The following KLHL29 variants were observed in gnomAD, a reference collection of about 807,000 sequenced individuals.
KLHL29 encodes the protein kelch-like protein 29.
In KLHL29, 21 loss-of-function variants were observed where a neutral mutation model predicts 80.4. That is an observed-to-expected ratio of 0.26 (90% CI 0.19 to 0.38). The LOEUF (loss-of-function observed/expected upper bound fraction) is 0.38. KLHL29 is among the 10% of genes least tolerant of loss of function. The probability of loss-of-function intolerance (pLI) is 1.00; values close to 1 mark genes in which losing one functional copy is unlikely to be tolerated. For synonymous variants in KLHL29, 511 were observed against 526.8 expected (o/e 0.97, Z 0.41); for missense variants, 867 against 1,223.9 (o/e 0.71, Z 4.35).
At chr2:23,661,817 C>T (rs774938582) in intron 5 of KLHL29, among the ~76,000 whole-genome samples, 7 of 152,192 alleles carry the variant, frequency 4.6e-5, no homozygotes, top group African/African-American at 7.2e-5. Context: ...AATGCATGCT[C>T]GAGAACATCT....
At chr2:23,602,283 C>T (rs1202661113) in intron 3 of KLHL29, among the ~76,000 whole-genome samples, 39 of 152,222 alleles carry the variant, frequency 2.6e-4, no homozygotes, top group Non-Finnish European at 1.5e-5. Context: ...CCCAGCACCC[C>T]CCTGCCCCAG....
intron 1 of KLHL29, among the ~76,000 whole-genome samples, chr2:23,421,112 C>T (rs1662788680): frequency 6.6e-6 from 1 of 152,220 alleles, no homozygotes; most frequent in South Asian, 2.1e-4. Context: ...GTGACTCGCT[C>T]AGTAGTGTAG....
intron 1 of KLHL29, among the ~76,000 whole-genome samples, chr2:23,432,387 G>A (rs1358134928): frequency 6.6e-6 from 1 of 152,144 alleles, no homozygotes; most frequent in Non-Finnish European, 1.5e-5. Flanking sequence ...TTATTTCCCT[G>A]GTTATTTTTT....
intron 3 of KLHL29, among the ~76,000 whole-genome samples, chr2:23,599,930 A>G (rs1024546306): frequency 2.1e-4 from 32 of 152,126 alleles, no homozygotes; most frequent in African/African-American, 7.0e-4. Context: ...CCTCCTTAGG[A>G]TGTACCCCAA....
chr2:23,430,605 C>T (rs928768783), intron 1 of KLHL29, among the ~76,000 whole-genome samples: 3 of 152,156 alleles, frequency 2.0e-5, no homozygotes, highest in Admixed American at 1.3e-4. Context: ...TGCCCAGTGC[C>T]GTTCAGTTAC....
intron 5 of KLHL29, among the ~76,000 whole-genome samples, chr2:23,658,469 CCCCCCA>C (rs1670307370): frequency 6.6e-6 from 1 of 152,282 alleles, no homozygotes; most frequent in East Asian, 1.9e-4. Flanking sequence ...CACAGAAGCA[CCCCCCA>C]GCTGCTCAGC....
intron 11 of KLHL29, chr2:23,697,883 TAAAC>T (rs963304212): frequency 2.0e-5 from 3 of 152,186 alleles, no homozygotes; most frequent in African/African-American, 4.8e-5. Flanking sequence ...CATCCAATAA[TAAAC>T]AAACACATGA....
chr2:23,480,569 G>A (rs1448888091), intron 2 of KLHL29, among the ~76,000 whole-genome samples: 2 of 152,184 alleles, frequency 1.3e-5, no homozygotes, highest in African/African-American at 2.4e-5. Flanking sequence ...ATATCAGTGT[G>A]TTTTAAAACT....
chr2:23,596,689 C>G lies in KLHL29; in HGVS notation c.285+34208C>G, dbSNP rs1668401618. Among the ~76,000 whole-genome samples, 1 of 152,214 alleles carries G rather than the reference C, an allele frequency of 6.6e-6. No individual in the cohort carries two copies. The highest frequency in any genetic ancestry group is 2.4e-5 in the African/African-American group (1 of 41,460). On this transcript the variant is annotated intron_variant, in intron 3 of 13. Transcript: ENST00000486442. This position sits in a 1 kb window ranked among gnomAD's most constrained non-coding sequence, Gnocchi z 4.4. ...CCTTTAACCCCTATCCTGCAAGCAT[C>G]TCCCTCTAAATGAGGGCGATAGGAA...
chr2:23,508,435 A>G (rs1418850363), intron 2 of KLHL29, among the ~76,000 whole-genome samples: 1 of 152,236 alleles, frequency 6.6e-6, no homozygotes, highest in Non-Finnish European at 1.5e-5. Flanking sequence ...ACAGAAGCTC[A>G]GGGCCATGAG....
intron 5 of KLHL29, among the ~76,000 whole-genome samples, chr2:23,646,252 GT>G (rs1669927572): frequency 1.3e-5 from 2 of 152,174 alleles, no homozygotes; most frequent in Admixed American, 1.3e-4. Flanking sequence ...CCTGGAGTCA[GT>G]GTTACTACCC....
intron 2 of KLHL29, among the ~76,000 whole-genome samples, chr2:23,482,956 C>G (rs1664840772): frequency 6.6e-6 from 1 of 152,174 alleles, no homozygotes; most frequent in Admixed American, 6.5e-5. Flanking sequence ...GCAAGGAGCT[C>G]TCAGTCCGGT....
intron 2 of KLHL29, among the ~76,000 whole-genome samples, chr2:23,559,714 G>A (rs1166709567): frequency 6.6e-6 from 1 of 152,062 alleles, no homozygotes; most frequent in Non-Finnish European, 1.5e-5. Flanking sequence ...GAAGGTGTGC[G>A]GCAGGCTGCA....
intron 3 of KLHL29, among the ~76,000 whole-genome samples, chr2:23,615,745 T>G (rs1668987851): frequency 6.6e-6 from 1 of 152,112 alleles, no homozygotes; most frequent in Non-Finnish European, 1.5e-5. Flanking sequence ...GTTATGCACC[T>G]GTTAGGGTCA....
At chr2:23,504,555 G>A (rs1393738727) in intron 2 of KLHL29, among the ~76,000 whole-genome samples, 1 of 152,240 alleles carries the variant, frequency 6.6e-6, no homozygotes, top group Admixed American at 6.5e-5. Context: ...TAGGGAGGCT[G>A]GAGGGAGGGG....
intron 3 of KLHL29, chr2:23,617,616 C>T (rs1669054716): frequency 6.6e-6 from 1 of 152,234 alleles, no homozygotes; most frequent in Admixed American, 6.5e-5. Context: ...TCAGCAGCTT[C>T]CTTGGTTGGG....
intron 3 of KLHL29, among the ~76,000 whole-genome samples, chr2:23,591,002 C>T (rs570447948): frequency 2.6e-5 from 4 of 152,226 alleles, no homozygotes; most frequent in East Asian, 1.9e-4. Flanking sequence ...GATGGCCCAA[C>T]GACCCCCCTG....
intron 2 of KLHL29, among the ~76,000 whole-genome samples, chr2:23,509,784 G>A (rs565243632): frequency 3.9e-5 from 6 of 152,122 alleles, no homozygotes; most frequent in South Asian, 2.1e-4. Context: ...CACTCCACCC[G>A]CTGTGACCCG....
chr2:23,661,356 A>AT (rs35571840), intron 5 of KLHL29, among the ~76,000 whole-genome samples: 1 of 150,578 alleles, frequency 6.6e-6, no homozygotes, highest in Non-Finnish European at 1.5e-5. Flanking sequence ...AAAAAAAAAA[A>AT]CCATGAAAAA....
Sources: gnomAD v4.1 joint callset for allele counts (sites outside exome capture counted in the v4.1 genomes callset) on GRCh38, gnomAD v4.1.1 for gene constraint, Gnocchi (gnomAD v3.1) non-coding constraint, MANE v1.5 for transcripts, NCBI Gene and HGNC (gene_info 2026-07-23, HGNC 2026-07-21) for gene names.